The following CLMP variants were observed in gnomAD, a reference collection of about 807,000 sequenced individuals.
CLMP encodes the protein CXADR-like membrane protein.
In CLMP, 27 loss-of-function variants were observed where a neutral mutation model predicts 45.2. The ratio of observed to expected loss-of-function variants is 0.60; its 90% CI spans 0.44 to 0.82. The LOEUF is 0.82. Among genes scored for constraint, CLMP ranks in the 40% least tolerant of loss-of-function variants. The pLI is 0.00. For synonymous variants in CLMP, 167 were observed against 171.4 expected (o/e 0.97, Z 0.20); for missense variants, 403 against 448.4 (o/e 0.90, Z 0.91).
intron 1 of CLMP, among the ~76,000 whole-genome samples, chr11:123,183,126 A>G (rs1288070494): frequency 6.6e-6 from 1 of 152,168 alleles, no homozygotes; most frequent in Non-Finnish European, 1.5e-5. Flanking sequence ...TCTTGCTAAA[A>G]TGTGCATTCT....
At chr11:123,178,977 T>C (rs924641246) in intron 1 of CLMP, among the ~76,000 whole-genome samples, 2 of 152,192 alleles carry the variant, frequency 1.3e-5, no homozygotes, top group African/African-American at 4.8e-5. Context: ...TTAGGGATTG[T>C]GTCTCCCTAT....
At chr11:123,176,382 TATAAA>T (rs1861700331) in intron 1 of CLMP, among the ~76,000 whole-genome samples, 1 of 152,244 alleles carries the variant, frequency 6.6e-6, no homozygotes, top group African/African-American at 2.4e-5. Flanking sequence ...CACTTTGATG[TATAAA>T]GATTCCTCTT....
At chr11:123,093,392 A>G (rs10892961) in intron 2 of CLMP, among the ~76,000 whole-genome samples, 63,052 of 151,728 alleles carry the variant, frequency 0.42, 14,881 homozygotes, top group African/African-American at 0.66. Context: ...TGTCACCCAG[A>G]CTGGAGTGCA....
chr11:123,075,298 CT>C (rs1438101093), intron 5 of CLMP, among the ~76,000 whole-genome samples: 4 of 151,734 alleles, frequency 2.6e-5, no homozygotes, highest in African/African-American at 9.7e-5. Context: ...GCATTACTCT[CT>C]CTTATTGTAT....
chr11:123,085,360 T>C (rs1263232671), intron 2 of CLMP, among the ~76,000 whole-genome samples: 1 of 152,068 alleles, frequency 6.6e-6, no homozygotes, highest in African/African-American at 2.4e-5. Flanking sequence ...GCAGTTCTCC[T>C]GCCTCAGCCT....
chr11:123,086,043 C>G (rs1433238865), intron 2 of CLMP, among the ~76,000 whole-genome samples: 2 of 152,054 alleles, frequency 1.3e-5, no homozygotes, highest in South Asian at 4.1e-4. Context: ...TCCCAAAGTG[C>G]TGGGATTACA....
chr11:123,105,113 T>C (rs1298677355), intron 1 of CLMP, among the ~76,000 whole-genome samples: 1 of 152,148 alleles, frequency 6.6e-6, no homozygotes, highest in African/African-American at 2.4e-5. Context: ...CTCTGGGAGC[T>C]TGAGAAAATT....
intron 1 of CLMP, among the ~76,000 whole-genome samples, chr11:123,152,968 C>G (rs555863775): frequency 2.1e-4 from 32 of 152,292 alleles, no homozygotes; most frequent in Middle Eastern, 3.4e-3. Context: ...AGTGGTTCAG[C>G]CACTGGCGGA....
chr11:123,118,971 T>TCTC (rs1860762329), intron 1 of CLMP, among the ~76,000 whole-genome samples: 5 of 45,906 alleles, frequency 1.1e-4, no homozygotes, highest in Admixed American at 3.0e-4. Context: ...CTTTCTTTCT[T>TCTC]TCTTTCTTTC....
chr11:123,121,804 A>G lies in CLMP; in HGVS notation c.29-23852T>C, dbSNP rs1591466900. On this transcript the variant is annotated intron_variant, in intron 1 of 6. Transcript: ENST00000448775. ...TACCTCTCTTCCACCTGCTTTCATC[A>G]GCCAAACATTTGTTGACATTTCTCT... Among the ~76,000 whole-genome samples the G allele has an allele frequency of 2.6e-5, 4 of 152,150 alleles. No individual in the cohort carries two copies. The South Asian group carries it at 8.3e-4, about 32-fold the overall frequency.
chr11:123,107,018 C>CA (rs1244006146), intron 1 of CLMP, among the ~76,000 whole-genome samples: 221 of 126,658 alleles, frequency 1.7e-3, no homozygotes, highest in Admixed American at 3.1e-3. Context: ...GACTCCGTCT[C>CA]AAAAAAAAAA....
intron 1 of CLMP, among the ~76,000 whole-genome samples, chr11:123,110,337 C>T (rs995604447): frequency 2.0e-5 from 3 of 151,996 alleles, no homozygotes; most frequent in Admixed American, 6.6e-5. Flanking sequence ...ACTTGTAATT[C>T]CAGCTACTTG....
At chr11:123,078,624 T>C (rs1307075086) in intron 5 of CLMP, among the ~76,000 whole-genome samples, 1 of 150,570 alleles carries the variant, frequency 6.6e-6, no homozygotes, top group Non-Finnish European at 1.5e-5. Context: ...GTTTTGTTTT[T>C]TTGTGTTTTT....
intron 1 of CLMP, among the ~76,000 whole-genome samples, chr11:123,192,008 GT>G (rs947506401): frequency 4.6e-5 from 7 of 152,354 alleles, no homozygotes; most frequent in African/African-American, 1.7e-4. Context: ...ATGGACAGGT[GT>G]ATGGAGGAAG....
At chr11:123,106,653 TATG>T (rs1860561998) in intron 1 of CLMP, among the ~76,000 whole-genome samples, 1 of 152,136 alleles carries the variant, frequency 6.6e-6, no homozygotes, top group Non-Finnish European at 1.5e-5. Flanking sequence ...AAGCATTACA[TATG>T]ATGCATGAAA....
At position 123,073,468 on chromosome 11, in the gene CLMP, T is replaced by G. The variant is rs756597237; in HGVS notation, c.*6A>C. The G allele has an allele frequency of 1.9e-6, 3 of 1,604,062 alleles. No individual in the cohort carries two copies. Among genetic ancestry groups the G allele is most frequent in the Non-Finnish European group, 2.6e-6 (3 of 1,174,400 alleles). On this transcript the variant is annotated 3_prime_UTR_variant, in exon 7 of 7. Transcript: ENST00000448775. Reference sequence around the variant, plus strand: ...AGGAAAGCGTGGGAGTCAAGTCCATTGTAATTCAGACCGTTTGGAAGGCTC... The same window carrying G: ...AGGAAAGCGTGGGAGTCAAGTCCATGGTAATTCAGACCGTTTGGAAGGCTC...
chr11:123,183,833 C>T (rs924284827), intron 1 of CLMP, among the ~76,000 whole-genome samples: 1 of 152,156 alleles, frequency 6.6e-6, no homozygotes, highest in Non-Finnish European at 1.5e-5. Context: ...CAGAGCCCTG[C>T]TGAGTGCGGT....
intron 1 of CLMP, among the ~76,000 whole-genome samples, chr11:123,162,306 CA>C (rs1861497153): frequency 1.3e-5 from 2 of 152,214 alleles, no homozygotes; most frequent in Admixed American, 1.3e-4. Context: ...ATTTAACAAA[CA>C]TTTCCTGAGA....
Position 123,070,496 on chromosome 11 carries a change from C to G in CLMP, c.*2978G>C, listed in dbSNP as rs1408531198. ...GGTAATCAACTGGTATTTTAGCATTCTGGTAACTAACATGTTTAAAAATCT... is the reference window on the plus strand; with the variant it reads ...GGTAATCAACTGGTATTTTAGCATTGTGGTAACTAACATGTTTAAAAATCT... On this transcript the variant is annotated 3_prime_UTR_variant, in exon 7 of 7. Coordinates refer to ENST00000448775, the MANE Select transcript of CLMP (RefSeq NM_024769.5). The G allele has an allele frequency of 6.6e-6, 1 of 152,156 alleles. No individual in the cohort carries two copies. Among genetic ancestry groups the G allele is most frequent in the East Asian group, 1.9e-4 (1 of 5,196 alleles). The allele number at this position is 152,156 out of a possible 1,614,324, so 9.4% of individuals were successfully genotyped here.
Sources: gnomAD v4.1 joint callset for allele counts (sites outside exome capture counted in the v4.1 genomes callset) on GRCh38, gnomAD v4.1.1 for gene constraint, MANE v1.5 for transcripts, NCBI Gene and HGNC (gene_info 2026-07-23, HGNC 2026-07-21) for gene names.